HELT: variants seen among roughly 807,000 people sequenced by gnomAD.
The protein encoded by HELT is helt bHLH transcription factor.
HELT carries 9 observed loss-of-function variants against 19.5 expected under a neutral mutation model. That is an observed-to-expected ratio of 0.46 (90% confidence interval 0.28 to 0.80). The LOEUF (loss-of-function observed/expected upper bound fraction) is 0.80, where lower values mean the gene tolerates loss of function less well. Ranked by LOEUF, HELT falls within the 30% of genes least tolerant of loss-of-function variation. The probability of loss-of-function intolerance (pLI) is 0.12; values close to 1 mark genes in which losing one functional copy is unlikely to be tolerated. For synonymous variants in HELT, 162 were observed against 148.3 expected (o/e 1.09, Z -0.67); for missense variants, 366 against 326.3 (o/e 1.12, Z -0.94).
At chr4:185,019,668 C>T (rs1340437159) in intron 2 of HELT, 79 bp from the exon 3 acceptor site, 3 of 1,610,014 alleles carry the variant, frequency 1.9e-6, no homozygotes, top group East Asian at 4.5e-5. Flanking sequence ...GCCGCGTCCG[C>T]TCGCTGGTCC....
rs1318796796 is a variant in HELT at position 185,018,866 on chromosome 4, G to C, written c.-63G>C. ...ACCTGGGACACTCGAGGAGGCACACGAGGCGGAAAAGTGGACGGGTGCCCC... is the reference window on the plus strand; with the variant it reads ...ACCTGGGACACTCGAGGAGGCACACCAGGCGGAAAAGTGGACGGGTGCCCC... On this transcript the variant is annotated 5_prime_UTR_variant, in exon 1 of 4. Coordinates refer to ENST00000515777, the MANE Select transcript of HELT (RefSeq NM_001300781.2). 4 of 1,526,140 alleles carry C rather than the reference G, an allele frequency of 2.6e-6. No individual in the cohort carries two copies. The highest frequency in any genetic ancestry group is 1.9e-5 in the Admixed American group (1 of 52,676). The allele number at this position is 1,526,140 out of a possible 1,614,324, so 94.5% of individuals were successfully genotyped here.
chr4:185,020,709 G>A lies in HELT; in HGVS notation c.666G>A (p.Leu222=), dbSNP rs1734054537. The A allele has an allele frequency of 1.3e-6, 2 of 1,597,062 alleles. No individual in the cohort carries two copies. Among genetic ancestry groups the A allele is most frequent in the Non-Finnish European group, 1.7e-6 (2 of 1,176,584 alleles). ...VQGLDRHYLN[L]IGHAHPNALN... is the part of the protein sequence containing the mutation. ...GCCTGGACCGGCATTACCTCAACCTGATCGGCCACGCGCACCCCAACGCCC... is the reference window on the plus strand; with the variant it reads ...GCCTGGACCGGCATTACCTCAACCTAATCGGCCACGCGCACCCCAACGCCC... Residue 222 remains leucine, a synonymous_variant, in exon 4 of 4, where the codon CTG becomes CTA. Coordinates refer to ENST00000515777, the MANE Select transcript of HELT (RefSeq NM_001300781.2).
Position 185,018,528 on chromosome 4 carries a change from G to T in HELT, c.-401G>T, listed in dbSNP as rs1440492120. Among the ~76,000 whole-genome samples, 1 of 152,108 alleles carries T rather than the reference G, an allele frequency of 6.6e-6. No individual in the cohort carries two copies. The highest frequency in any genetic ancestry group is 2.4e-5 in the African/African-American group (1 of 41,422). On this transcript the variant is annotated 5_prime_UTR_variant, in exon 1 of 4. Transcript: ENST00000515777. ...CTCCGCGCCCGCGACTGCTGCAGGC[G>T]CTTGCTCGCCCGCCGGCCCCAGTTT...
At position 185,020,607 on chromosome 4, in the gene HELT, G is replaced by GC; in HGVS notation, c.567dup (p.Tyr190LeufsTer11). On this transcript the variant is annotated frameshift_variant, in exon 4 of 4. Transcript: ENST00000515777. LOFTEE classifies it high-confidence loss of function. Reference sequence around the variant, plus strand: ...CTGGCGCGGCCCGCAGCCCCGCGCTGCCCTACCTGCCCAGCGCGCCAGTGC... The same window carrying GC: ...CTGGCGCGGCCCGCAGCCCCGCGCTGCCCCTACCTGCCCAGCGCGCCAGTGC... 17 of 1,598,600 alleles carry GC rather than the reference G, an allele frequency of 1.1e-5. No homozygotes were observed. Among genetic ancestry groups the GC allele is most frequent in the Non-Finnish European group, 1.4e-5 (16 of 1,177,130 alleles).
At chr4:185,019,194 G>C (rs1052625754) in intron 1 of HELT, 193 bp from the exon 2 acceptor site, 9 of 1,403,290 alleles carry the variant, frequency 6.4e-6, no homozygotes, top group Middle Eastern at 2.6e-4. Flanking sequence ...GTGGCTGGAA[G>C]GGGAGCGCGC....
At position 185,018,863 on chromosome 4, in the gene HELT, C is replaced by T; in HGVS notation, c.-66C>T. 2 of 1,521,260 alleles carry T rather than the reference C, an allele frequency of 1.3e-6. No individual in the cohort carries two copies. The highest frequency in any genetic ancestry group is 4.4e-4 in the Middle Eastern group (2 of 4,576). The allele number at this position is 1,521,260 out of a possible 1,614,324, so 94.2% of individuals were successfully genotyped here. On this transcript the variant is annotated 5_prime_UTR_variant, in exon 1 of 4. Transcript: ENST00000515777. ...TCTACCTGGGACACTCGAGGAGGCA[C>T]ACGAGGCGGAAAAGTGGACGGGTGC...
At position 185,020,614 on chromosome 4, in the gene HELT, C is replaced by G. The variant is rs766247084; in HGVS notation, c.571C>G (p.Leu191Val). Residue 191 changes from leucine (L) to valine (V), a missense_variant, in exon 4 of 4, where the codon CTG becomes GTG. Transcript: ENST00000515777. Reference sequence around the variant, plus strand: ...GGCCCGCAGCCCCGCGCTGCCCTACCTGCCCAGCGCGCCAGTGCCGCTCGC... The same window carrying G: ...GGCCCGCAGCCCCGCGCTGCCCTACGTGCCCAGCGCGCCAGTGCCGCTCGC... ...GAARSPALPY[L>V]PSAPVPLASP... 1.9e-6 allele frequency: 3 copies of G among 1,600,616 alleles called. No homozygotes were observed. In the East Asian group the frequency reaches 6.7e-5, roughly 36 times the overall value.
chr4:185,019,470 G>A lies in HELT; in HGVS notation c.111G>A (p.Val37=). The change falls in exon 2 of 4, where the codon GTG becomes GTA. Residue 37 remains valine (V), a synonymous_variant. Transcript: ENST00000515777. ...GCTTGAACGAGCTGGGCAAGACAGT[G>A]CCCATGGCCTTGGCGAAGCAGGTAA... The part of the protein sequence containing the change: ...NRCLNELGKT[V]PMALAKQSSG... 1.4e-5 allele frequency: 23 copies of A among 1,611,726 alleles called. No homozygotes were observed. Among genetic ancestry groups the A allele is most frequent in the Non-Finnish European group, 2.0e-5 (23 of 1,178,854 alleles).
Position 185,020,382 on chromosome 4 carries a change from G to T in HELT, c.339G>T (p.Thr113=). ...TTVERMETKD[T]KYARILAFLQ... Reference sequence around the variant, plus strand: ...TGGAGCGGATGGAGACCAAGGACACGAAGTACGCGCGCATCCTCGCCTTCT... The same window carrying T: ...TGGAGCGGATGGAGACCAAGGACACTAAGTACGCGCGCATCCTCGCCTTCT... Residue 113 remains threonine (T), a synonymous_variant, in exon 4 of 4, where the codon ACG becomes ACT. Coordinates refer to ENST00000515777, the MANE Select transcript of HELT (RefSeq NM_001300781.2). 6.2e-7 allele frequency: 1 copy of T among 1,614,236 alleles called. No individual in the cohort carries two copies. The highest frequency in any genetic ancestry group is 1.1e-5 in the South Asian group (1 of 91,088).
chr4:185,018,912 G>C lies in HELT; in HGVS notation c.-17G>C, dbSNP rs1458350097. 6.3e-7 allele frequency: 1 copy of C among 1,585,596 alleles called. No individual in the cohort carries two copies. ...GCCCCGCGCCACCGCCTCTCCCGAG[G>C]GCGCGTACTGACCAGGATGTCAGAC... On this transcript the variant is annotated 5_prime_UTR_variant, in exon 1 of 4. Coordinates refer to ENST00000515777, the MANE Select transcript of HELT (RefSeq NM_001300781.2).
At position 185,018,734 on chromosome 4, in the gene HELT, C is replaced by T. The variant is rs966178529; in HGVS notation, c.-195C>T. 4.4e-6 allele frequency: 2 copies of T among 456,922 alleles called. No homozygotes were observed. The highest frequency in any genetic ancestry group is 4.0e-5 in the African/African-American group (2 of 49,608). 28.3% of individuals were successfully genotyped at this position (456,922 alleles called of 1,614,324 possible). On this transcript the variant is annotated 5_prime_UTR_variant, in exon 1 of 4. Coordinates refer to ENST00000515777, the MANE Select transcript of HELT (RefSeq NM_001300781.2). ...ACTGATCTTGAATGCATACATCCTC[C>T]AAACGCAGCTCCCCTAATCCTATGG...
chr4:185,020,373 C>A lies in HELT; in HGVS notation c.330C>A (p.Thr110=), dbSNP rs1456251583. 2 of 1,614,208 alleles carry A rather than the reference C, an allele frequency of 1.2e-6. No homozygotes were observed. The highest frequency in any genetic ancestry group is 2.7e-5 in the African/African-American group (2 of 75,064). The change falls in exon 4 of 4, where the codon ACC becomes ACA. Residue 110 remains threonine, a synonymous_variant. Coordinates refer to ENST00000515777, the MANE Select transcript of HELT (RefSeq NM_001300781.2). ...TCACCACGGTGGAGCGGATGGAGAC[C>A]AAGGACACGAAGTACGCGCGCATCC... ...HYLTTVERME[T]KDTKYARILA... is the part of the protein sequence containing the mutation.
chr4:185,020,142 G>A lies in HELT; in HGVS notation c.230-131G>A, dbSNP rs939490912. ...TCGCCAGTCTCTAAGACTGCGCAGA[G>A]GAGAGGGCGGGCCTCAAATGGGAAC... On this transcript the variant is annotated intron_variant, in intron 3 of 3. Coordinates refer to ENST00000515777, the MANE Select transcript of HELT (RefSeq NM_001300781.2). 10 of 1,333,944 alleles carry A rather than the reference G, an allele frequency of 7.5e-6. No homozygotes were observed. In the South Asian group the frequency reaches 9.6e-5, roughly 13 times the overall value. 82.6% of individuals were successfully genotyped at this position (1,333,944 alleles called of 1,614,324 possible).
Position 185,019,860 on chromosome 4 carries a change from G to C in HELT, c.229+17G>C, listed in dbSNP as rs746759808. 1.2e-6 allele frequency: 2 copies of C among 1,605,980 alleles called. No homozygotes were observed. The highest frequency in any genetic ancestry group is 2.2e-5 in the South Asian group (2 of 90,348). ...GGGAAAAAGGTGGGCACAGGTTAGG[G>C]AATGGGACGCCTGGGCCAGGCGCCT... On this transcript the variant is annotated intron_variant, in intron 3 of 3. Coordinates refer to ENST00000515777, the MANE Select transcript of HELT (RefSeq NM_001300781.2).
At chr4:185,019,101 GT>G in intron 1 of HELT, 146 bp downstream of exon 1, 1 of 1,601,574 alleles carries the variant, frequency 6.2e-7, no homozygotes, top group Non-Finnish European at 8.5e-7. Context: ...TGGGAAGGGG[GT>G]GGGGTAGAGA....
At chr4:185,019,358 A>G (rs1393361291) in intron 1 of HELT, 29 bp from the exon 2 acceptor site, 2 of 1,572,956 alleles carry the variant, frequency 1.3e-6, no homozygotes, top group Non-Finnish European at 1.7e-6. Flanking sequence ...GGGCAAAGCC[A>G]TCCTAAACAT....
chr4:185,018,838 T>G lies in HELT; in HGVS notation c.-91T>G, dbSNP rs1579158420. On this transcript the variant is annotated 5_prime_UTR_variant, in exon 1 of 4. Coordinates refer to ENST00000515777, the MANE Select transcript of HELT (RefSeq NM_001300781.2). ...AGCCCTCGGAGTTGGGAGGCTGCAG[T>G]CTACCTGGGACACTCGAGGAGGCAC... The G allele has an allele frequency of 7.3e-7, 1 of 1,372,860 alleles. No individual in the cohort carries two copies. The highest frequency in any genetic ancestry group is 9.9e-7 in the Non-Finnish European group (1 of 1,008,980). 85.0% of individuals were successfully genotyped at this position (1,372,860 alleles called of 1,614,324 possible). A position where few individuals can be genotyped will look rare whatever the true frequency, so the allele number is the denominator to read the frequency against.
chr4:185,018,904 C>G lies in HELT; in HGVS notation c.-25C>G. 1 of 1,559,958 alleles carries G rather than the reference C, an allele frequency of 6.4e-7. No individual in the cohort carries two copies. Among genetic ancestry groups the G allele is most frequent in the Non-Finnish European group, 8.7e-7 (1 of 1,147,042 alleles). On this transcript the variant is annotated 5_prime_UTR_variant, in exon 1 of 4. Coordinates refer to ENST00000515777, the MANE Select transcript of HELT (RefSeq NM_001300781.2). The stretch of plus-strand genomic sequence containing the variant: ...GGACGGGTGCCCCGCGCCACCGCCT[C>G]TCCCGAGGGCGCGTACTGACCAGGA...
chr4:185,019,176 T>C, intron 1 of HELT: 12 of 1,460,530 alleles, frequency 8.2e-6, no homozygotes, highest in Non-Finnish European at 1.0e-5. Context: ...CCCAAAGGCC[T>C]GGGTAGGGTG....
Sources: gnomAD v4.1 joint callset for allele counts (sites outside exome capture counted in the v4.1 genomes callset) on GRCh38, gnomAD v4.1.1 for gene constraint, MANE v1.5 for transcripts, NCBI Gene and HGNC (gene_info 2026-07-23, HGNC 2026-07-21) for gene names.